OSBPL9: variants seen among roughly 807,000 people sequenced by gnomAD.
The protein encoded by OSBPL9 is oxysterol binding protein like 9.
Under a neutral mutation model 106.6 loss-of-function variants are expected in OSBPL9, and 40 were observed. The observed-to-expected ratio is 0.38, with a 90% CI of 0.29 to 0.49. OSBPL9 has a LOEUF of 0.49. Among genes scored for constraint, OSBPL9 ranks in the 20% least tolerant of loss-of-function variants. OSBPL9 has a pLI of 0.97. For synonymous variants in OSBPL9, 269 were observed against 295.4 expected (o/e 0.91, Z 0.92); for missense variants, 609 against 887.2 (o/e 0.69, Z 3.98).
rs559482478 is a variant in OSBPL9 at position 51,756,090 on chromosome 1, C to G, written c.544-230C>G. ...TTTCCACGATGAACTTAGTTAAATC[C>G]CTATATAGAAAAATAATTGCCATGC... is the stretch of plus-strand genomic sequence containing the variant. On this transcript the variant is annotated intron_variant, in intron 8 of 23. Transcript: ENST00000428468. Among the ~76,000 whole-genome samples the G allele has an allele frequency of 2.6e-5, 4 of 152,198 alleles. No individual in the cohort carries two copies. The East Asian group carries it at 7.7e-4, about 29-fold the overall frequency.
At chr1:51,553,336 C>A in the OSBPL9 span, among the ~76,000 whole-genome samples, 1 of 151,660 alleles carries the variant, frequency 6.6e-6, no homozygotes, top group African/African-American at 2.4e-5. Flanking sequence ...CACGGCAAGA[C>A]CCCATCTCTA....
intron 1 of OSBPL9, among the ~76,000 whole-genome samples, chr1:51,618,448 T>G (rs1209679222): frequency 6.6e-6 from 1 of 152,052 alleles, no homozygotes; most frequent in Non-Finnish European, 1.5e-5. Context: ...ATAGCCGATA[T>G]GAGGGAAGAA....
At chr1:51,613,400 T>C (rs1389911397), upstream of OSBPL9, among the ~76,000 whole-genome samples, 6 of 152,368 alleles carry the variant, frequency 3.9e-5, no homozygotes, top group Middle Eastern at 3.4e-3. Context: ...TATGTGTTTA[T>C]ATGGACTCAG....
chr1:51,684,253 C>T (rs1327265589), intron 3 of OSBPL9, among the ~76,000 whole-genome samples: 2 of 152,136 alleles, frequency 1.3e-5, no homozygotes, highest in African/African-American at 4.8e-5. Context: ...AAGTGATTCT[C>T]CTACTTTGGC....
chr1:51,660,501 AAAG>A (rs1178408710), intron 2 of OSBPL9, among the ~76,000 whole-genome samples: 2 of 152,332 alleles, frequency 1.3e-5, no homozygotes, highest in East Asian at 3.9e-4. Context: ...AATCTGTAAA[AAAG>A]ACAAAAGAAT....
intron 3 of OSBPL9, among the ~76,000 whole-genome samples, chr1:51,696,071 G>A (rs1009918063): frequency 2.0e-5 from 3 of 152,132 alleles, no homozygotes; most frequent in Non-Finnish European, 4.4e-5. Flanking sequence ...TCCAATTTGT[G>A]TCCCTAATGC....
chr1:51,669,693 G>A, intron 3 of OSBPL9, 181 bp downstream of exon 3: 1 of 623,680 alleles, frequency 1.6e-6, no homozygotes, highest in Non-Finnish European at 3.0e-6. Flanking sequence ...TGCAATGGAT[G>A]TAGATCGATT....
chr1:51,519,199 C>A, the OSBPL9 span: 1 of 1,435,792 alleles, frequency 7.0e-7, no homozygotes, highest in Non-Finnish European at 9.2e-7. Context: ...GTGGCGTTAC[C>A]TGTGTCAGAG....
chr1:51,745,735 T>C (rs1667841721), intron 5 of OSBPL9, 104 bp downstream of exon 5: 2 of 1,329,404 alleles, frequency 1.5e-6, no homozygotes, highest in African/African-American at 3.0e-5. Flanking sequence ...AGCCCTCATG[T>C]GGTTCTTCAG....
intron 3 of OSBPL9, among the ~76,000 whole-genome samples, chr1:51,706,933 A>G (rs1216409209): frequency 3.3e-5 from 5 of 151,406 alleles, no homozygotes; most frequent in Non-Finnish European, 7.4e-5. Flanking sequence ...CATACAGGGG[A>G]CTTTATTGAT....
rs758760414 is a variant in OSBPL9 at position 51,602,018 on chromosome 1, CTT to C, written c.-353+3844_-353+3845del. 2.2e-3 allele frequency among the ~76,000 whole-genome samples: 169 copies of C among 76,398 alleles called. 2 individuals are homozygous for C. The highest frequency in any genetic ancestry group is 3.1e-3 in the African/African-American group (60 of 19,208). The allele number at this position is 76,398 out of a possible 152,430, so 50.1% of individuals were successfully genotyped here. ...AGTCAATTGTTCCATTCTTGGGGTT[CTT>C]TTTTTTTTTTTTTTTTTTGAGACGG... is the stretch of plus-strand genomic sequence containing the variant. On this transcript the variant is annotated intron_variant, in intron 2 of 25. Coordinates refer to the OSBPL9 transcript ENST00000371714.
At chr1:51,715,626 G>A (rs1287920095) in intron 4 of OSBPL9, among the ~76,000 whole-genome samples, 1 of 152,086 alleles carries the variant, frequency 6.6e-6, no homozygotes, top group Non-Finnish European at 1.5e-5. Context: ...ACTGAATGTG[G>A]CAGATGAGAT....
intron 15 of OSBPL9, 92 bp downstream of exon 15, chr1:51,777,010 C>A: frequency 2.0e-6 from 2 of 981,484 alleles, no homozygotes; most frequent in South Asian, 1.4e-5. Context: ...GATTCCTTGT[C>A]ACCTTTCAAA....
intron 1 of OSBPL9, among the ~76,000 whole-genome samples, chr1:51,643,149 G>C (rs1003275359): frequency 3.3e-5 from 5 of 152,092 alleles, no homozygotes; most frequent in African/African-American, 1.2e-4. Flanking sequence ...CATCAATAAA[G>C]AGCACACTCC....
At position 51,675,456 on chromosome 1, in the gene OSBPL9, T is replaced by C. The variant is rs376829338; in HGVS notation, c.241+5944T>C. Among the ~76,000 whole-genome samples, 5 of 152,216 alleles carry C rather than the reference T, an allele frequency of 3.3e-5. No homozygotes were observed. The East Asian group carries it at 9.6e-4, about 29-fold the overall frequency. On this transcript the variant is annotated intron_variant, in intron 3 of 23. Coordinates refer to ENST00000428468, the MANE Select transcript of OSBPL9 (RefSeq NM_024586.6). ...CCAGTTTTAGGAACAATTTTTTATG[T>C]AGACCGAATAAAATGCATCTATGGG...
At chr1:51,609,081 T>C (rs145827113) in intron 2 of OSBPL9, among the ~76,000 whole-genome samples, 5 of 152,282 alleles carry the variant, frequency 3.3e-5, no homozygotes, top group Non-Finnish European at 5.9e-5. Context: ...ACCTAATTCA[T>C]ATAGAAATAG....
intron 3 of OSBPL9, among the ~76,000 whole-genome samples, chr1:51,711,739 C>A (rs1424501046): frequency 1.5e-5 from 2 of 134,840 alleles, no homozygotes; most frequent in African/African-American, 5.7e-5. Flanking sequence ...CAGACGGGGT[C>A]ACGGCCGGGC....
intron 3 of OSBPL9, among the ~76,000 whole-genome samples, chr1:51,682,160 C>T (rs1204382921): frequency 4.0e-5 from 6 of 151,880 alleles, no homozygotes; most frequent in African/African-American, 7.3e-5. Context: ...GCCAAGATCA[C>T]GCCACTGCAT....
chr1:51,606,502 G>C (rs540529666), intron 2 of OSBPL9, among the ~76,000 whole-genome samples: 1 of 152,204 alleles, frequency 6.6e-6, no homozygotes, highest in African/African-American at 2.4e-5. Context: ...ATGAGGAAGA[G>C]GGCATGAGAA....
Sources: allele counts gnomAD v4.1 joint callset (sites outside exome capture counted in the v4.1 genomes callset), GRCh38; gene constraint gnomAD v4.1.1; transcripts MANE v1.5; gene names NCBI Gene and HGNC (gene_info 2026-07-23, HGNC 2026-07-21).